Variants in TENM4 observed in about 807,000 individuals in gnomAD.
The protein encoded by TENM4 is teneurin transmembrane protein 4.
A neutral mutation model predicts 243.3 loss-of-function variants in TENM4; 82 were observed. The observed-to-expected ratio is 0.34, with a 90% CI of 0.28 to 0.40. The LOEUF is 0.40. Among genes scored for constraint, TENM4 ranks in the 10% least tolerant of loss-of-function variants. The pLI is 1.00. For missense variants in TENM4, 3,138 were observed against 3,673.3 expected, an observed-to-expected ratio of 0.85 and a Z score of 3.77; for synonymous variants, 1,412 against 1,456.3, an observed-to-expected ratio of 0.97 and a Z score of 0.69.
intron 10 of TENM4, among the ~76,000 whole-genome samples, chr11:78,857,300 A>G (rs910639595): frequency 3.3e-5 from 5 of 152,236 alleles, no homozygotes; most frequent in African/African-American, 9.6e-5. Context: ...GAGACACTTC[A>G]GAGAACAAGA....
intron 27 of TENM4, among the ~76,000 whole-genome samples, chr11:78,703,160 C>T (rs761562154): frequency 1.2e-4 from 19 of 152,124 alleles, no homozygotes; most frequent in Non-Finnish European, 2.4e-4. Context: ...GCTTGGGCAT[C>T]GGCATTATTT....
At chr11:79,302,357 G>A (rs1201645591) in intron 1 of TENM4, among the ~76,000 whole-genome samples, 1 of 152,140 alleles carries the variant, frequency 6.6e-6, no homozygotes, top group Admixed American at 6.5e-5. Flanking sequence ...AAGTACACTA[G>A]GGTGAAAGTA....
intron 2 of TENM4, among the ~76,000 whole-genome samples, chr11:79,236,640 C>G (rs1217173565): frequency 1.3e-5 from 2 of 152,188 alleles, no homozygotes; most frequent in Non-Finnish European, 2.9e-5. Flanking sequence ...ATTATCTGGC[C>G]ACATCTGCAG....
intron 12 of TENM4, among the ~76,000 whole-genome samples, chr11:78,837,998 C>A (rs569832576): frequency 1.3e-5 from 2 of 152,132 alleles, no homozygotes; most frequent in South Asian, 4.2e-4. Flanking sequence ...ATACAAAATG[C>A]CAAATTGCTT....
chr11:78,814,124 G>A (rs1007710014), intron 13 of TENM4, among the ~76,000 whole-genome samples, 170 bp downstream of exon 13: 16 of 152,106 alleles, frequency 1.1e-4, no homozygotes, highest in Non-Finnish European at 1.6e-4. Flanking sequence ...ACAAGGTTAT[G>A]GCTCTGCCTG....
chr11:78,900,533 GA>G (rs1274193400), intron 7 of TENM4, among the ~76,000 whole-genome samples: 2 of 152,230 alleles, frequency 1.3e-5, no homozygotes, highest in Non-Finnish European at 2.9e-5. Flanking sequence ...TGGATATGGA[GA>G]GAAGATGTAT....
rs931353076 is a variant in TENM4, at chr11:79,438,792, T to G, written c.-321+1717A>C. Among the ~76,000 whole-genome samples the G allele has an allele frequency of 6.6e-6, 1 of 152,194 alleles. No individual in the cohort carries two copies. Among genetic ancestry groups the G allele is most frequent in the African/African-American group, 2.4e-5 (1 of 41,456 alleles). ...GACCCAATGAAACCTCAGTTCTGACTGACTCCTCCTCTGCGATCAATTCCG... is the reference window on the plus strand; with the variant it reads ...GACCCAATGAAACCTCAGTTCTGACGGACTCCTCCTCTGCGATCAATTCCG... On this transcript the variant is annotated intron_variant, in intron 1 of 33. Transcript: ENST00000278550. This position sits in a 1 kb window ranked among gnomAD's most constrained non-coding sequence, Gnocchi z 4.1.
At chr11:79,312,144 C>T (rs962007497) in intron 1 of TENM4, among the ~76,000 whole-genome samples, 6 of 152,188 alleles carry the variant, frequency 3.9e-5, no homozygotes, top group African/African-American at 1.2e-4. Flanking sequence ...CTCCCATCTA[C>T]AGCTCCCCAC....
At chr11:79,183,559 T>A (rs928749465) in intron 3 of TENM4, among the ~76,000 whole-genome samples, 1 of 152,164 alleles carries the variant, frequency 6.6e-6, no homozygotes, top group Admixed American at 6.5e-5. Flanking sequence ...TGGGTGATAA[T>A]GATGTGTCAA....
intron 18 of TENM4, among the ~76,000 whole-genome samples, chr11:78,763,888 C>A (rs1856485596): frequency 8.7e-6 from 1 of 114,354 alleles, no homozygotes; most frequent in African/African-American, 4.7e-5. Context: ...TAGCTGTTCT[C>A]TGGAGCTCCC....
intron 2 of TENM4, among the ~76,000 whole-genome samples, chr11:79,233,841 GC>G (rs770761344): frequency 2.0e-5 from 3 of 152,334 alleles, no homozygotes; most frequent in Non-Finnish European, 4.4e-5. Context: ...TTCTGGCTTA[GC>G]CATGGTCTGG....
intron 1 of TENM4, among the ~76,000 whole-genome samples, chr11:79,381,870 C>T (rs1275908681): frequency 6.6e-6 from 1 of 152,022 alleles, no homozygotes; most frequent in African/African-American, 2.4e-5. Context: ...CCAAGGCCGT[C>T]CTGTTCCAGA....
In TENM4 at chr11:78,661,511, T is replaced by C. The variant is rs1858029982; in HGVS notation, c.7489A>G (p.Met2497Val). ...PGYPKPDMDA[M>V]EPSYELIHTQ... is the part of the protein sequence containing the mutation. ...TGGATGAGCTCGTAGGAGGGTTCCA[T>C]GGCATCCATGTCTGGTTTGGGATAA... The change falls in exon 33 of 34, where the codon ATG (methionine) becomes GTG (valine). Residue 2497 changes from methionine (M) to valine (V), a missense_variant. By Grantham distance (21) the Met-to-Val change is conservative. Transcript: ENST00000278550. The C allele has an allele frequency of 1.9e-6, 3 of 1,612,746 alleles. No homozygotes were observed. Among genetic ancestry groups the C allele is most frequent in the South Asian group, 2.2e-5 (2 of 90,502 alleles).
chr11:78,727,629 T>C (rs1248374010), intron 22 of TENM4, among the ~76,000 whole-genome samples: 1 of 152,154 alleles, frequency 6.6e-6, no homozygotes. Flanking sequence ...GGATTACTTT[T>C]AAAAAGCTGG....
At chr11:79,207,199 A>G (rs756156486) in intron 3 of TENM4, among the ~76,000 whole-genome samples, 1 of 152,190 alleles carries the variant, frequency 6.6e-6, no homozygotes, top group Non-Finnish European at 1.5e-5. Flanking sequence ...TGCCAGGCTC[A>G]AGGTATCCAA....
chr11:78,802,647 C>T (rs1187740995), intron 15 of TENM4, among the ~76,000 whole-genome samples: 1 of 152,234 alleles, frequency 6.6e-6, no homozygotes, highest in Non-Finnish European at 1.5e-5. Context: ...GGCCACTCCT[C>T]TAGCCTCATC....
intron 18 of TENM4, among the ~76,000 whole-genome samples, chr11:78,763,569 C>G (rs139325847): frequency 6.6e-6 from 1 of 152,338 alleles, no homozygotes; most frequent in African/African-American, 2.4e-5. Context: ...CTGCCATACT[C>G]TCACTGAGAT....
At chr11:79,354,096 A>G (rs1480843123) in intron 1 of TENM4, among the ~76,000 whole-genome samples, 2 of 152,258 alleles carry the variant, frequency 1.3e-5, no homozygotes, top group African/African-American at 4.8e-5. Context: ...TTGCACTTAC[A>G]AAGTCAGTTT....
Position 79,384,414 on chromosome 11 carries a change from G to A in TENM4, c.-321+56095C>T, listed in dbSNP as rs147958020. 3.2e-3 allele frequency among the ~76,000 whole-genome samples: 487 copies of A among 152,158 alleles called. 2 individuals carry two copies. In the Middle Eastern group the frequency reaches 0.034, roughly 11 times the overall value. On this transcript the variant is annotated intron_variant, in intron 1 of 33. Coordinates refer to ENST00000278550, the MANE Select transcript of TENM4 (RefSeq NM_001098816.3). Reference sequence around the variant, plus strand: ...ATTTGGTGTCCTTCCCTCCAGTCAGGGACACCCACTTCCCCATGCTGCTCA... The same window carrying A: ...ATTTGGTGTCCTTCCCTCCAGTCAGAGACACCCACTTCCCCATGCTGCTCA...
Sources: gnomAD v4.1 joint callset for allele counts (sites outside exome capture counted in the v4.1 genomes callset) on GRCh38, gnomAD v4.1.1 for gene constraint, Gnocchi (gnomAD v3.1) non-coding constraint, MANE v1.5 for transcripts, NCBI Gene and HGNC (gene_info 2026-07-23, HGNC 2026-07-21) for gene names.